POU2AF2: variants seen among roughly 807,000 people sequenced by gnomAD.
The protein encoded by POU2AF2 is POU domain class 2-associating factor 2.
At chr11:111,280,481 C>G in the POU2AF2 span, among the ~76,000 whole-genome samples, 3 of 152,168 alleles carry the variant, frequency 2.0e-5, no homozygotes, top group Non-Finnish European at 4.4e-5. Flanking sequence ...AAATGGCATG[C>G]CTTTCTCAGT....
At chr11:111,269,794 CACAGAG>C in the POU2AF2 span, among the ~76,000 whole-genome samples, 5 of 152,130 alleles carry the variant, frequency 3.3e-5, no homozygotes, top group Non-Finnish European at 4.4e-5. Context: ...ATCACTTTCT[CACAGAG>C]ACAGCCTGAA....
chr11:111,271,468 C>T, the POU2AF2 span, among the ~76,000 whole-genome samples: 4 of 151,958 alleles, frequency 2.6e-5, no homozygotes, highest in African/African-American at 9.7e-5. Context: ...GTTACCCAGG[C>T]TGGAGTGCAG....
At chr11:111,264,565 AAAGAAAGAAAGG>A in the POU2AF2 span, among the ~76,000 whole-genome samples, 4,563 of 49,822 alleles carry the variant, frequency 0.092, 672 homozygotes, top group African/African-American at 0.17. Context: ...AGAAAGAAAG[AAAGAAAGAAAGG>A]GAGAGAGAAA....
chr11:111,278,907 G>C, the POU2AF2 span, among the ~76,000 whole-genome samples: 55,674 of 152,104 alleles, frequency 0.37, 10,877 homozygotes, highest in Admixed American at 0.47. Context: ...GCTAAGTTCT[G>C]TGTGCCTGGA....
the POU2AF2 span, among the ~76,000 whole-genome samples, chr11:111,259,788 T>C: frequency 2.0e-5 from 3 of 152,360 alleles, no homozygotes; most frequent in East Asian, 3.9e-4. Flanking sequence ...ATCAAGTGCA[T>C]AGATGATATG....
the POU2AF2 span, among the ~76,000 whole-genome samples, chr11:111,279,244 G>A: frequency 6.6e-6 from 1 of 152,064 alleles, no homozygotes; most frequent in Non-Finnish European, 1.5e-5. Context: ...TTAGGTGCCC[G>A]CATCACCCCA....
chr11:111,282,192 G>C, the POU2AF2 span, among the ~76,000 whole-genome samples: 8 of 152,182 alleles, frequency 5.3e-5, no homozygotes, highest in African/African-American at 1.4e-4. Flanking sequence ...TAAGAGAGCA[G>C]AGGCTTTTTT....
the POU2AF2 span, among the ~76,000 whole-genome samples, chr11:111,281,061 G>A: frequency 1.3e-5 from 2 of 152,144 alleles, no homozygotes; most frequent in African/African-American, 2.4e-5. Flanking sequence ...GGTAAGGGGA[G>A]GCTACTGGAT....
chr11:111,276,453 A>AAAAAATATATATAT, the POU2AF2 span, among the ~76,000 whole-genome samples: 225 of 37,228 alleles, frequency 6.0e-3, 2 homozygotes, highest in Non-Finnish European at 9.1e-3. Context: ...AAAAAAAAAA[A>AAAAAATATATATAT]ATATATATAT....
chr11:111,249,821 C>T, the POU2AF2 span, among the ~76,000 whole-genome samples: 1 of 152,076 alleles, frequency 6.6e-6, no homozygotes, highest in Non-Finnish European at 1.5e-5. Context: ...GCCTCTCCTC[C>T]GTGCACCCCT....
At chr11:111,250,880 T>A in the POU2AF2 span, among the ~76,000 whole-genome samples, 1 of 152,104 alleles carries the variant, frequency 6.6e-6, no homozygotes, top group East Asian at 1.9e-4. Context: ...TTGGGGCACT[T>A]CAGAAACGCT....
At chr11:111,276,873 C>T in the POU2AF2 span, among the ~76,000 whole-genome samples, 1 of 152,060 alleles carries the variant, frequency 6.6e-6, no homozygotes, top group African/African-American at 2.4e-5. Context: ...GTCAACACCA[C>T]TGACACTTAA....
At chr11:111,283,230 T>C in the POU2AF2 span, among the ~76,000 whole-genome samples, 6 of 152,114 alleles carry the variant, frequency 3.9e-5, no homozygotes, top group East Asian at 1.9e-4. Context: ...GTATTGTTTT[T>C]AGTAGAGATG....
chr11:111,269,781 G>A, the POU2AF2 span, among the ~76,000 whole-genome samples: 1 of 152,164 alleles, frequency 6.6e-6, no homozygotes, highest in Non-Finnish European at 1.5e-5. Flanking sequence ...TTAGGCAACA[G>A]AAATCACTTT....
At chr11:111,257,693 C>A in the POU2AF2 span, among the ~76,000 whole-genome samples, 2 of 152,098 alleles carry the variant, frequency 1.3e-5, no homozygotes, top group Admixed American at 1.3e-4. Flanking sequence ...TCTTTTAAAC[C>A]ACCACCTCTC....
the POU2AF2 span, among the ~76,000 whole-genome samples, chr11:111,259,305 A>G: frequency 2.1e-5 from 3 of 142,182 alleles, no homozygotes; most frequent in Non-Finnish European, 4.6e-5. Context: ...CTAATTCCAC[A>G]TTCCTTTTTT....
At chr11:111,262,713 C>A in the POU2AF2 span, among the ~76,000 whole-genome samples, 1 of 152,200 alleles carries the variant, frequency 6.6e-6, no homozygotes, top group African/African-American at 2.4e-5. Flanking sequence ...CTTCTCTGAG[C>A]CTCAGTGTCC....
chr11:111,281,771 C>G, the POU2AF2 span, among the ~76,000 whole-genome samples: 104,600 of 152,100 alleles, frequency 0.69, 36,189 homozygotes, highest in South Asian at 0.81. Flanking sequence ...AGGGGAAAGC[C>G]GTCTGCGAGC....
the POU2AF2 span, among the ~76,000 whole-genome samples, chr11:111,257,911 A>G: frequency 6.6e-6 from 1 of 152,128 alleles, no homozygotes; most frequent in African/African-American, 2.4e-5. Context: ...TGAGGCCAGG[A>G]GTTCCAGACC....
Sources: allele counts gnomAD v4.1 joint callset (sites outside exome capture counted in the v4.1 genomes callset), GRCh38; gene constraint gnomAD v4.1.1; transcripts MANE v1.5; gene names NCBI Gene and HGNC (gene_info 2026-07-23, HGNC 2026-07-21).